The following LRRIQ1 variants were observed in gnomAD, a reference collection of about 807,000 sequenced individuals.
The protein encoded by LRRIQ1 is leucine-rich repeat- and IQ domain-containing protein 1.
A neutral mutation model predicts 211.9 loss-of-function variants in LRRIQ1; 210 were observed. The observed-to-expected ratio is 0.99, with a 90% confidence interval of 0.89 to 1.11. LRRIQ1 has a LOEUF of 1.11. Ranked by LOEUF, LRRIQ1 falls within the 50% of genes most tolerant of loss-of-function variation. The probability of loss-of-function intolerance (pLI) is 0.00; values close to 1 mark genes in which losing one functional copy is unlikely to be tolerated. For synonymous variants in LRRIQ1, 699 were observed against 650.1 expected (o/e 1.08, Z -1.14); for missense variants, 2,136 against 1,939.5 (o/e 1.10, Z -1.90).
downstream of LRRIQ1, among the ~76,000 whole-genome samples, chr12:85,265,338 G>A (rs1896397470): frequency 6.6e-6 from 1 of 151,902 alleles, no homozygotes; most frequent in African/African-American, 2.4e-5. Flanking sequence ...TGCACTGAGA[G>A]CAAAATGAGT....
chr12:85,184,521 T>G (rs912873730), intron 24 of LRRIQ1, among the ~76,000 whole-genome samples: 12 of 152,012 alleles, frequency 7.9e-5, no homozygotes, highest in African/African-American at 2.4e-4. Context: ...TATAACTACA[T>G]AAAGTTGAAA....
intron 26 of LRRIQ1, among the ~76,000 whole-genome samples, chr12:85,243,351 T>TATA (rs1293884025): frequency 1.8e-4 from 26 of 142,826 alleles, no homozygotes; most frequent in Non-Finnish European, 4.5e-5. Context: ...TTATTATTAT[T>TATA]ATACTTTAAG....
intron 25 of LRRIQ1, among the ~76,000 whole-genome samples, chr12:85,231,764 C>T (rs1436998734): frequency 1.3e-5 from 2 of 152,158 alleles, no homozygotes; most frequent in Non-Finnish European, 2.9e-5. Context: ...CAAGAACGAA[C>T]TCACTGCAAG....
At chr12:85,102,580 A>C (rs1846288530) in intron 13 of LRRIQ1, among the ~76,000 whole-genome samples, 1 of 151,620 alleles carries the variant, frequency 6.6e-6, no homozygotes, top group Non-Finnish European at 1.5e-5. Context: ...GCTAATGCTG[A>C]AAGGGATAGT....
At chr12:85,172,663 G>T (rs1891474149) in intron 24 of LRRIQ1, among the ~76,000 whole-genome samples, 1 of 152,106 alleles carries the variant, frequency 6.6e-6, no homozygotes, top group African/African-American at 2.4e-5. Flanking sequence ...AACAGCAATA[G>T]AACTTTTTAG....
chr12:85,183,473 C>G (rs930945449), intron 24 of LRRIQ1, among the ~76,000 whole-genome samples: 3 of 152,002 alleles, frequency 2.0e-5, no homozygotes, highest in Non-Finnish European at 4.4e-5. Flanking sequence ...GATATTTGCT[C>G]ATTTTGCCCC....
intron 2 of LRRIQ1, 39 bp downstream of exon 2, chr12:85,038,347 C>G: frequency 2.2e-6 from 3 of 1,386,376 alleles, no homozygotes; most frequent in Non-Finnish European, 2.8e-6. Flanking sequence ...CAGGAGTAGG[C>G]TTTTCAGGAG....
Position 85,071,337 on chromosome 12 carries a change from T to G in LRRIQ1, c.2696-1570T>G, listed in dbSNP as rs1257761074. On this transcript the variant is annotated intron_variant, in intron 10 of 26. Transcript: ENST00000393217. ...TTAAGTACTGTTCTTTGTCTTGCTT[T>G]TTTTACTTAACAACATATTATGGAA... Among the ~76,000 whole-genome samples, 3 of 151,968 alleles carry G rather than the reference T, an allele frequency of 2.0e-5. No individual in the cohort carries two copies. In the East Asian group the frequency reaches 5.8e-4, roughly 29 times the overall value.
At chr12:85,272,288 C>T in the LRRIQ1 span, among the ~76,000 whole-genome samples, 3 of 151,978 alleles carry the variant, frequency 2.0e-5, no homozygotes, top group Non-Finnish European at 4.4e-5. Context: ...AAAAAGAATG[C>T]AAGATTAAAG....
chr12:85,237,923 A>G (rs1424382297), intron 26 of LRRIQ1, among the ~76,000 whole-genome samples: 4 of 152,126 alleles, frequency 2.6e-5, no homozygotes, highest in African/African-American at 9.7e-5. Context: ...CAGCAGGAAA[A>G]TGAGCCTTGT....
At chr12:85,132,354 A>C (rs1345760752) in intron 18 of LRRIQ1, among the ~76,000 whole-genome samples, 2 of 152,156 alleles carry the variant, frequency 1.3e-5, no homozygotes, top group East Asian at 3.9e-4. Flanking sequence ...ACAGGGTTGC[A>C]GAGGAAGGGA....
chr12:85,158,499 T>C (rs1290380351), intron 23 of LRRIQ1, among the ~76,000 whole-genome samples: 1 of 151,830 alleles, frequency 6.6e-6, no homozygotes, highest in African/African-American at 2.4e-5. Context: ...ATGAGATAAA[T>C]TAGAATTATA....
intron 24 of LRRIQ1, among the ~76,000 whole-genome samples, chr12:85,210,725 T>G (rs1486822553): frequency 1.3e-5 from 2 of 152,210 alleles, no homozygotes; most frequent in Non-Finnish European, 2.9e-5. Context: ...TTCTGAACAT[T>G]CTGGAAGTGA....
rs554682322 is a variant in LRRIQ1, at chr12:85,088,641, C to T, written c.2888-9714C>T. 5.9e-5 allele frequency among the ~76,000 whole-genome samples: 9 copies of T among 152,160 alleles called. No homozygotes were observed. The East Asian group carries it at 7.7e-4, about 13-fold the overall frequency. The stretch of plus-strand genomic sequence containing the variant: ...TTTCGTTGAGTAGTGGTTTGTAGTT[C>T]GCCTTGAAGAGGTCCTTCACATCCC... On this transcript the variant is annotated intron_variant, in intron 11 of 26. Transcript: ENST00000393217.
chr12:85,241,515 C>T (rs752082934), intron 26 of LRRIQ1, among the ~76,000 whole-genome samples: 11 of 151,532 alleles, frequency 7.3e-5, no homozygotes, highest in Non-Finnish European at 1.3e-4. Context: ...TGTAATTTTG[C>T]CATAATTTGC....
At position 85,098,852 on chromosome 12, in the gene LRRIQ1, C is replaced by A; in HGVS notation, c.3082-15C>A. 6.6e-7 allele frequency: 1 copy of A among 1,521,470 alleles called. No individual in the cohort carries two copies. The allele number at this position is 1,521,470 out of a possible 1,614,324, so 94.2% of individuals were successfully genotyped here. A position where few individuals can be genotyped will look rare whatever the true frequency, so the allele number is the denominator to read the frequency against. ...TTTTGCTTAATATAAACTAATGAAC[C>A]AAATTTAAATATAGCTTCCATCCTT... On this transcript the variant is annotated splice_polypyrimidine_tract_variant and intron_variant, in intron 12 of 26. Coordinates refer to ENST00000393217, the MANE Select transcript of LRRIQ1 (RefSeq NM_001079910.2).
intron 24 of LRRIQ1, among the ~76,000 whole-genome samples, chr12:85,170,900 C>T (rs975801688): frequency 6.6e-6 from 1 of 151,960 alleles, no homozygotes; most frequent in Non-Finnish European, 1.5e-5. Flanking sequence ...TTTTCACTAG[C>T]CTCTTACCTG....
chr12:85,156,514 A>G (rs1890554971), intron 23 of LRRIQ1, among the ~76,000 whole-genome samples: 1 of 151,716 alleles, frequency 6.6e-6, no homozygotes, highest in African/African-American at 2.4e-5. Context: ...TTCTTCTTAT[A>G]GAATAAAAAA....
intron 24 of LRRIQ1, among the ~76,000 whole-genome samples, chr12:85,195,756 A>C (rs1181958425): frequency 1.3e-5 from 2 of 152,142 alleles, no homozygotes; most frequent in Non-Finnish European, 2.9e-5. Context: ...TTCCCTTTGA[A>C]AACTGGCACA....
Sources: allele counts gnomAD v4.1 joint callset (sites outside exome capture counted in the v4.1 genomes callset), GRCh38; gene constraint gnomAD v4.1.1; transcripts MANE v1.5; gene names NCBI Gene and HGNC (gene_info 2026-07-23, HGNC 2026-07-21).